Variants in SETDB1 observed in about 807,000 individuals in gnomAD.
SETDB1 encodes SET domain bifurcated histone lysine methyltransferase 1.
A neutral mutation model predicts 137.4 loss-of-function variants in SETDB1; 31 were observed. The observed-to-expected ratio is 0.23, with a 90% CI of 0.17 to 0.30. The LOEUF is 0.30. Among genes scored for constraint, SETDB1 ranks in the 10% least tolerant of loss-of-function variants. The pLI is 1.00. For missense variants in SETDB1, 1,113 were observed against 1,631.5 expected (o/e 0.68, Z 5.47); for synonymous variants, 548 against 579.9 (o/e 0.95, Z 0.79).
chr1:150,927,929 A>C lies in SETDB1; in HGVS notation c.215A>C (p.Glu72Ala). 6.2e-7 allele frequency: 1 copy of C among 1,614,236 alleles called. No homozygotes were observed. Among genetic ancestry groups the C allele is most frequent in the African/African-American group, 1.3e-5 (1 of 75,072 alleles). ...AELETWVIQK[E>A]SEVAHVDQLF... ...TTAGAGACATGGGTAATACAGAAAG[A>C]ATCTGAGGTGGCTCACGTTGACCAA... is the stretch of plus-strand genomic sequence containing the variant. The change falls in exon 2 of 22, where the codon GAA (glutamate) becomes GCA (alanine). Residue 72 changes from glutamate to alanine, a missense_variant. Glu to Ala is a moderately radical substitution (Grantham distance 107). Around this residue, in one of 11 missense-constraint regions of SETDB1, gnomAD observed 159 missense variants for 188.6 expected, o/e 0.84. Transcript: ENST00000692827.
chr1:150,963,343 C>T (rs1670882848), intron 19 of SETDB1, 187 bp from the exon 20 acceptor site: 1 of 721,016 alleles, frequency 1.4e-6, no homozygotes, highest in African/African-American at 1.8e-5. Flanking sequence ...TTCCCCTCAG[C>T]TCCTTTGTCT....
At chr1:150,962,884 C>T in intron 18 of SETDB1, 90 bp from the exon 19 acceptor site, 1 of 1,518,180 alleles carries the variant, frequency 6.6e-7, no homozygotes, top group Non-Finnish European at 9.0e-7. Flanking sequence ...CTTGCCACCG[C>T]CCTTTCCTGC....
intron 1 of SETDB1, chr1:150,926,874 A>C: frequency 3.8e-6 from 2 of 532,224 alleles, no homozygotes; most frequent in Non-Finnish European, 7.7e-6. Context: ...TTTTGCTGCA[A>C]GCTTTCGTGT....
chr1:150,953,841 T>G (rs1670564998), intron 14 of SETDB1, among the ~76,000 whole-genome samples: 1 of 151,942 alleles, frequency 6.6e-6, no homozygotes, highest in Non-Finnish European at 1.5e-5. Context: ...AAAAAATGAT[T>G]TAAAAATTAA....
intron 9 of SETDB1, among the ~76,000 whole-genome samples, chr1:150,946,168 T>C (rs1670321590): frequency 6.6e-6 from 1 of 151,852 alleles, no homozygotes; most frequent in South Asian, 2.1e-4. Context: ...TACAAGTGCA[T>C]GCCACCACAC....
intron 3 of SETDB1, among the ~76,000 whole-genome samples, chr1:150,932,329 G>A (rs755609350): frequency 2.0e-5 from 3 of 152,024 alleles, no homozygotes; most frequent in Non-Finnish European, 2.9e-5. Flanking sequence ...TTTGGTAGCA[G>A]GGTAATATAG....
At chr1:150,961,558 G>A in intron 16 of SETDB1, 2 of 266,018 alleles carry the variant, frequency 7.5e-6, no homozygotes, top group Non-Finnish European at 1.5e-5. Flanking sequence ...GGGAGGCTGA[G>A]GCAGGAGAAT....
chr1:150,958,964 C>T (rs1453802623), intron 14 of SETDB1, among the ~76,000 whole-genome samples: 2 of 152,002 alleles, frequency 1.3e-5, no homozygotes, highest in Admixed American at 6.6e-5. Flanking sequence ...AATATTTCTC[C>T]GCCCTCTAAA....
At chr1:150,951,760 A>C (rs1322094134) in intron 14 of SETDB1, among the ~76,000 whole-genome samples, 2 of 152,252 alleles carry the variant, frequency 1.3e-5, no homozygotes, top group Non-Finnish European at 2.9e-5. Flanking sequence ...GAATGTCTTA[A>C]CAGATTGTGA....
At chr1:150,928,433 G>A (rs1669610069) in intron 2 of SETDB1, among the ~76,000 whole-genome samples, 1 of 152,160 alleles carries the variant, frequency 6.6e-6, no homozygotes, top group Admixed American at 6.5e-5. Flanking sequence ...CAAGTCTTAA[G>A]TCCTTTCCCC....
intron 14 of SETDB1, among the ~76,000 whole-genome samples, chr1:150,952,988 AT>A (rs1304306972): frequency 6.6e-6 from 1 of 152,376 alleles, no homozygotes; most frequent in East Asian, 1.9e-4. Context: ...GGATATAAAA[AT>A]TTAGGAATCA....
intron 18 of SETDB1, 63 bp downstream of exon 18, chr1:150,962,782 A>G (rs898674592): frequency 3.2e-6 from 5 of 1,560,408 alleles, no homozygotes; most frequent in Non-Finnish European, 2.6e-6. Context: ...CACCTCATCA[A>G]GTCCTTCACT....
At chr1:150,960,084 C>G (rs914111192) in intron 15 of SETDB1, among the ~76,000 whole-genome samples, 1 of 130,594 alleles carries the variant, frequency 7.7e-6, no homozygotes, top group African/African-American at 2.8e-5. Flanking sequence ...AAAAACAAAA[C>G]AAAAAAAAAA....
At chr1:150,961,569 C>T (rs1670824336) in intron 16 of SETDB1, 9 of 256,256 alleles carry the variant, frequency 3.5e-5, no homozygotes, top group South Asian at 2.8e-4. Context: ...GCAGGAGAAT[C>T]GCTTGAACCT....
At chr1:150,933,652 C>A (rs1669839903) in intron 3 of SETDB1, among the ~76,000 whole-genome samples, 1 of 152,014 alleles carries the variant, frequency 6.6e-6, no homozygotes, top group East Asian at 1.9e-4. Context: ...GCTAGAATTA[C>A]AGGCGTGAGC....
chr1:150,949,484 A>C lies in SETDB1; in HGVS notation c.1542A>C (p.Glu514Asp). ...HSSPTSPALS[E>D]NVSGGKPGIN... is the part of the protein sequence containing the mutation. The stretch of plus-strand genomic sequence containing the variant: ...CCCCTACATCTCCTGCACTCAGTGA[A>C]AATGTCTCTGGTGGGAAACCTGGGA... Residue 514 changes from glutamate (E) to aspartate (D), a missense_variant, in exon 12 of 22, where the codon GAA (glutamate) becomes GAC (aspartate). By Grantham distance (45) the Glu-to-Asp change is conservative. Transcript: ENST00000692827. 6.2e-7 allele frequency: 1 copy of C among 1,614,136 alleles called. No individual in the cohort carries two copies. The highest frequency in any genetic ancestry group is 1.1e-5 in the South Asian group (1 of 91,080).
At chr1:150,937,359 A>T (rs1315679955) in intron 3 of SETDB1, among the ~76,000 whole-genome samples, 3 of 152,134 alleles carry the variant, frequency 2.0e-5, no homozygotes, top group Non-Finnish European at 4.4e-5. Flanking sequence ...TTTAATAGGT[A>T]CAGAGTTTCA....
At chr1:150,946,452 AT>A (rs975202697) in intron 9 of SETDB1, among the ~76,000 whole-genome samples, 70 of 151,132 alleles carry the variant, frequency 4.6e-4, no homozygotes, top group South Asian at 1.0e-3. Context: ...TAGATAAGGA[AT>A]TTTTTTTTGG....
chr1:150,947,094 T>G, intron 10 of SETDB1, 82 bp downstream of exon 10: 4 of 1,523,986 alleles, frequency 2.6e-6, no homozygotes, highest in Non-Finnish European at 3.6e-6. Context: ...ATCCTTTGAT[T>G]AGCATGGTTA....
Sources: gnomAD v4.1 joint callset for allele counts (sites outside exome capture counted in the v4.1 genomes callset) on GRCh38, gnomAD v4.1.1 for gene constraint, gnomAD v4.1.1 regional missense constraint, MANE v1.5 for transcripts, NCBI Gene and HGNC (gene_info 2026-07-23, HGNC 2026-07-21) for gene names.